TRERF1: variants seen among roughly 807,000 people sequenced by gnomAD.
TRERF1 encodes the protein transcriptional-regulating factor 1.
In TRERF1, 27 loss-of-function variants were observed where a neutral mutation model predicts 122.9. The ratio of observed to expected loss-of-function variants is 0.22; its 90% CI spans 0.16 to 0.30. The LOEUF is 0.30. Among genes scored for constraint, TRERF1 ranks in the 10% least tolerant of loss-of-function variants. The pLI, the probability that TRERF1 is intolerant of heterozygous loss-of-function variation, is 1.00. For missense variants in TRERF1, 1,248 were observed against 1,560.3 expected, an observed-to-expected ratio of 0.80 and a Z score of 3.37; for synonymous variants, 636 against 641.7, an observed-to-expected ratio of 0.99 and a Z score of 0.13.
In TRERF1 at chr6:42,246,550, A is replaced by G; in HGVS notation, c.2657-6T>C. 1 of 1,594,612 alleles carries G rather than the reference A, an allele frequency of 6.3e-7. No individual in the cohort carries two copies. Among genetic ancestry groups the G allele is most frequent in the Non-Finnish European group, 8.5e-7 (1 of 1,171,286 alleles). On this transcript the variant is annotated splice_region_variant and splice_polypyrimidine_tract_variant and intron_variant, in intron 13 of 17. Transcript: ENST00000372922. ...GGAGGTCCACTTGTCCGAACCTACA[A>G]CAAAACACAAACATCATAAGAACAG... is the stretch of plus-strand genomic sequence containing the variant.
At chr6:42,234,030 G>A (rs1771480805) in intron 16 of TRERF1, among the ~76,000 whole-genome samples, 1 of 152,162 alleles carries the variant, frequency 6.6e-6, no homozygotes, top group African/African-American at 2.4e-5. Flanking sequence ...TCTTTGTTGT[G>A]ATGGGTGGGG....
rs397977723 is a variant in TRERF1, at chr6:42,320,506, A to ATTTTTTTT, written c.-370-19765_-370-19758dup. 2.7e-3 allele frequency among the ~76,000 whole-genome samples: 371 copies of ATTTTTTTT among 136,732 alleles called. 15 individuals are homozygous for ATTTTTTTT. The highest frequency in any genetic ancestry group is 0.01 in the African/African-American group (350 of 34,748). 89.7% of individuals were successfully genotyped at this position (136,732 alleles called of 152,430 possible). ...TCACTACCAAAACAAAAGTGAAAGAATTTTTTTTTTTTTTTTTGAGACTGA... is the reference window on the plus strand; with the variant it reads ...TCACTACCAAAACAAAAGTGAAAGAATTTTTTTTTTTTTTTTTTTTTTTTTGAGACTGA... On this transcript the variant is annotated intron_variant, in intron 3 of 17. Transcript: ENST00000372922.
intron 13 of TRERF1, among the ~76,000 whole-genome samples, 183 bp from the exon 14 acceptor site, chr6:42,246,727 T>C (rs1232577127): frequency 6.6e-6 from 1 of 152,228 alleles, no homozygotes; most frequent in Non-Finnish European, 1.5e-5. Flanking sequence ...TGGGTTCAAG[T>C]CCCAGCTATG....
intron 2 of TRERF1, among the ~76,000 whole-genome samples, chr6:42,408,792 G>T (rs779897464): frequency 6.6e-6 from 1 of 151,654 alleles, no homozygotes; most frequent in African/African-American, 2.4e-5. Context: ...ATTTGCTCTC[G>T]AGGAAAAAAT....
intron 3 of TRERF1, among the ~76,000 whole-genome samples, chr6:42,319,003 T>C (rs888412491): frequency 1.3e-5 from 2 of 152,216 alleles, no homozygotes; most frequent in Admixed American, 1.3e-4. Context: ...GTAACTTGTA[T>C]CGCTTTTGGG....
rs79207635 is a variant in TRERF1 at position 42,449,810 on chromosome 6, G to A, written c.-454+1367C>T. ...AATCTGGAAATCTGACGACAGTTAG[G>A]AAAGAAAAAAAGCACTCTCCATCAG... On this transcript the variant is annotated intron_variant, in intron 2 of 17. Transcript: ENST00000372922. Among the ~76,000 whole-genome samples, 783 of 152,214 alleles carry A rather than the reference G, an allele frequency of 5.1e-3. 7 individuals carry two copies. Among genetic ancestry groups the A allele is most frequent in the Non-Finnish European group, 7.9e-3 (536 of 67,994 alleles).
chr6:42,368,221 C>T (rs924361221), intron 2 of TRERF1, among the ~76,000 whole-genome samples: 1 of 152,074 alleles, frequency 6.6e-6, no homozygotes, highest in African/African-American at 2.4e-5. Flanking sequence ...AACATCAATA[C>T]CTTCCTATTG....
chr6:42,311,974 A>G (rs1429142972), intron 3 of TRERF1, among the ~76,000 whole-genome samples: 1 of 152,160 alleles, frequency 6.6e-6, no homozygotes, highest in Non-Finnish European at 1.5e-5. Context: ...CTATTGGGCC[A>G]ATGCTATTAC....
intron 13 of TRERF1, among the ~76,000 whole-genome samples, chr6:42,248,775 G>A (rs1487222722): frequency 2.0e-5 from 3 of 152,296 alleles, no homozygotes; most frequent in Non-Finnish European, 2.9e-5. Context: ...ACAGTAACAC[G>A]GAGCCTCAGG....
intron 12 of TRERF1, among the ~76,000 whole-genome samples, chr6:42,255,153 T>C (rs1047558839): frequency 6.6e-6 from 1 of 152,226 alleles, no homozygotes; most frequent in Non-Finnish European, 1.5e-5. Flanking sequence ...CAGTTGTTCA[T>C]GTCACAGGAA....
chr6:42,422,269 T>C (rs1017583504), intron 2 of TRERF1, among the ~76,000 whole-genome samples: 18 of 151,972 alleles, frequency 1.2e-4, no homozygotes, highest in Non-Finnish European at 2.1e-4. Flanking sequence ...CCTGTAATCC[T>C]GGCACTCTGG....
chr6:42,429,816 A>T (rs72857687), intron 2 of TRERF1, among the ~76,000 whole-genome samples: 1,964 of 152,312 alleles, frequency 0.013, 36 homozygotes, highest in East Asian at 0.091. Context: ...GGACGGGAAC[A>T]GGCTGAAGTG....
chr6:42,228,306 G>T lies in TRERF1; in HGVS notation c.*39C>A. On this transcript the variant is annotated 3_prime_UTR_variant, in exon 18 of 18. Transcript: ENST00000372922. The surrounding 1 kb of genome is among the most constrained non-coding windows in gnomAD (Gnocchi z 4.2). Reference sequence around the variant, plus strand: ...GGTTTCCTGATTAATGAAGATGGAGGCCGTGGGTTTTCACTGTCTCTAAGT... The same window carrying T: ...GGTTTCCTGATTAATGAAGATGGAGTCCGTGGGTTTTCACTGTCTCTAAGT... 6.5e-7 allele frequency: 1 copy of T among 1,530,188 alleles called. No homozygotes were observed. The highest frequency in any genetic ancestry group is 8.8e-7 in the Non-Finnish European group (1 of 1,134,004). The allele number at this position is 1,530,188 out of a possible 1,614,324, so 94.8% of individuals were successfully genotyped here. A position where few individuals can be genotyped will look rare whatever the true frequency, so the allele number is the denominator to read the frequency against.
At chr6:42,443,537 C>CTTA (rs897621171) in intron 2 of TRERF1, among the ~76,000 whole-genome samples, 42 of 152,148 alleles carry the variant, frequency 2.8e-4, no homozygotes, top group African/African-American at 9.4e-4. Context: ...GAACCTCAGT[C>CTTA]GGGTTTCTTG....
At chr6:42,373,337 A>G (rs1774125334) in intron 2 of TRERF1, among the ~76,000 whole-genome samples, 1 of 152,008 alleles carries the variant, frequency 6.6e-6, no homozygotes, top group Non-Finnish European at 1.5e-5. Flanking sequence ...GTTCAAGACC[A>G]GCCTGACCAA....
chr6:42,348,617 C>G (rs751417328), intron 3 of TRERF1, among the ~76,000 whole-genome samples: 1 of 152,168 alleles, frequency 6.6e-6, no homozygotes, highest in African/African-American at 2.4e-5. Flanking sequence ...GTTAGAAGAA[C>G]ACTCCATAAC....
exon 18 of TRERF1, chr6:42,227,747 G>A (rs560610475): frequency 2.0e-5 from 3 of 152,368 alleles, no homozygotes; most frequent in Non-Finnish European, 2.9e-5. Flanking sequence ...GGCAACACAG[G>A]GGAAACCTGT....
chr6:42,441,809 A>G (rs1033763818), intron 2 of TRERF1, among the ~76,000 whole-genome samples: 1 of 152,134 alleles, frequency 6.6e-6, no homozygotes, highest in Non-Finnish European at 1.5e-5. Flanking sequence ...CCCAGTCCAG[A>G]GGGGTGAAAG....
chr6:42,232,740 G>T lies in TRERF1; in HGVS notation c.3219C>A (p.His1073Gln). ...GGTCTGTCTCGCCGCTGGTGGTGCTGTGAGAGGGTGAGCTCTTTACCGAAC... is the reference window on the plus strand; with the variant it reads ...GGTCTGTCTCGCCGCTGGTGGTGCTTTGAGAGGGTGAGCTCTTTACCGAAC... The change falls in exon 17 of 18, where the codon CAC becomes CAA. Residue 1073 changes from histidine to glutamine, a missense_variant. Transcript: ENST00000372922. This position sits in a 1 kb window ranked among gnomAD's most constrained non-coding sequence, Gnocchi z 4.5. 1 of 1,610,392 alleles carries T rather than the reference G, an allele frequency of 6.2e-7. No homozygotes were observed. Among genetic ancestry groups the T allele is most frequent in the Middle Eastern group, 1.7e-4 (1 of 6,044 alleles).
Sources: allele counts gnomAD v4.1 joint callset (sites outside exome capture counted in the v4.1 genomes callset), GRCh38; gene constraint gnomAD v4.1.1; non-coding constraint Gnocchi (gnomAD v3.1); transcripts MANE v1.5; gene names NCBI Gene and HGNC (gene_info 2026-07-23, HGNC 2026-07-21).